MACROD2: variants seen among roughly 807,000 people sequenced by gnomAD.
MACROD2 encodes mono-ADP ribosylhydrolase 2, also known as ADP-ribose glycohydrolase MACROD2.
In MACROD2, 36 loss-of-function variants were observed where a neutral mutation model predicts 70.4. The observed-to-expected ratio is 0.51, with a 90% CI of 0.39 to 0.68. The LOEUF (loss-of-function observed/expected upper bound fraction) is 0.68, where lower values mean the gene tolerates loss of function less well. MACROD2 is among the 30% of genes least tolerant of loss of function. The pLI is 0.00. For synonymous variants in MACROD2, 172 were observed against 178.8 expected (o/e 0.96, Z 0.30); for missense variants, 496 against 538.4 (o/e 0.92, Z 0.78).
At chr20:15,542,895 C>T (rs2047976608) in intron 8 of MACROD2, among the ~76,000 whole-genome samples, 1 of 152,156 alleles carries the variant, frequency 6.6e-6, no homozygotes, top group Admixed American at 6.6e-5. Context: ...TCCTACGCAG[C>T]ACAACTTGTC....
intron 9 of MACROD2, among the ~76,000 whole-genome samples, chr20:15,867,634 C>T (rs917928658): frequency 3.3e-5 from 5 of 151,438 alleles, no homozygotes; most frequent in East Asian, 1.9e-4. Context: ...TTTCACTAGA[C>T]GTAAAAAATT....
chr20:15,922,661 C>T (rs1601139485), intron 10 of MACROD2, among the ~76,000 whole-genome samples: 1 of 152,208 alleles, frequency 6.6e-6, no homozygotes. Context: ...TCACTGACTG[C>T]CTCCAGGACT....
intron 5 of MACROD2, among the ~76,000 whole-genome samples, chr20:14,735,390 G>A (rs2071651189): frequency 6.6e-6 from 1 of 152,108 alleles, no homozygotes; most frequent in African/African-American, 2.4e-5. Flanking sequence ...ACATGAACAG[G>A]CGTCCACACT....
At chr20:15,817,548 C>G (rs1345424117) in intron 8 of MACROD2, among the ~76,000 whole-genome samples, 3 of 152,160 alleles carry the variant, frequency 2.0e-5, no homozygotes, top group Non-Finnish European at 4.4e-5. Flanking sequence ...GAAATCCAAG[C>G]CTCATTTCTG....
chr20:14,522,495 G>GTTAC lies in MACROD2; in HGVS notation c.301+28987_301+28988insTTAC, dbSNP rs570188346. ...AGCCATGTATACAGAAACTATCTTGGGTAAGGTGCCTCTACTCTGTCGGGC... is the reference window on the plus strand; with the variant it reads ...AGCCATGTATACAGAAACTATCTTGGTTACGTAAGGTGCCTCTACTCTGTCGGGC... On this transcript the variant is annotated intron_variant, in intron 4 of 17. Coordinates refer to ENST00000684519, the MANE Select transcript of MACROD2 (RefSeq NM_001351661.2). 4.0e-3 allele frequency among the ~76,000 whole-genome samples: 608 copies of GTTAC among 152,298 alleles called. 1 individual carries two copies. Among genetic ancestry groups the GTTAC allele is most frequent in the Non-Finnish European group, 5.5e-3 (374 of 68,022 alleles).
At position 15,113,763 on chromosome 20, in the gene MACROD2, A is replaced by AGTGTGTGTGTGTGTGTGTGTGTGT. The variant is rs71340210; in HGVS notation, c.419-116163_419-116140dup. 6.9e-5 allele frequency among the ~76,000 whole-genome samples: 10 copies of AGTGTGTGTGTGTGTGTGTGTGTGT among 144,238 alleles called. No individual in the cohort carries two copies. In the South Asian group the frequency reaches 7.2e-4, roughly 10 times the overall value. 94.6% of individuals were successfully genotyped at this position (144,238 alleles called of 152,430 possible). On this transcript the variant is annotated intron_variant, in intron 5 of 17. Transcript: ENST00000684519. Reference sequence around the variant, plus strand: ...TAGGTATGGGGTTGTGTAGTCTTGAAGTGTGTGTGTGTGTGTGTGTGTGTG... The same window carrying AGTGTGTGTGTGTGTGTGTGTGTGT: ...TAGGTATGGGGTTGTGTAGTCTTGAAGTGTGTGTGTGTGTGTGTGTGTGTGTGTGTGTGTGTGTGTGTGTGTGTG...
At chr20:15,254,124 G>A (rs1055880952) in intron 6 of MACROD2, among the ~76,000 whole-genome samples, 2 of 152,120 alleles carry the variant, frequency 1.3e-5, no homozygotes, top group African/African-American at 4.8e-5. Flanking sequence ...TGCAGGAAAC[G>A]AGTTTATTAG....
chr20:14,856,073 G>A (rs1366397582), intron 5 of MACROD2, among the ~76,000 whole-genome samples: 1 of 152,026 alleles, frequency 6.6e-6, no homozygotes, highest in Non-Finnish European at 1.5e-5. Context: ...TATATTACAT[G>A]AAACATACTT....
intron 5 of MACROD2, among the ~76,000 whole-genome samples, chr20:14,914,724 C>A (rs1044632299): frequency 2.0e-5 from 3 of 152,158 alleles, no homozygotes; most frequent in African/African-American, 7.2e-5. Context: ...ATCTATATAT[C>A]TGAGTTTTAA....
At chr20:14,921,858 A>G (rs1275037466) in intron 5 of MACROD2, among the ~76,000 whole-genome samples, 1 of 152,192 alleles carries the variant, frequency 6.6e-6, no homozygotes, top group African/African-American at 2.4e-5. Context: ...GTGCACTACA[A>G]ATTGGATTTC....
At chr20:14,098,264 C>T (rs373073406) in intron 3 of MACROD2, among the ~76,000 whole-genome samples, 1 of 152,300 alleles carries the variant, frequency 6.6e-6, no homozygotes, top group Non-Finnish European at 1.5e-5. Context: ...ATTCTGTGTC[C>T]TTCAGCTTTA....
chr20:14,035,999 A>G (rs906560189), intron 2 of MACROD2, among the ~76,000 whole-genome samples: 4 of 152,022 alleles, frequency 2.6e-5, no homozygotes, highest in Non-Finnish European at 5.9e-5. Flanking sequence ...AAAATTAGCC[A>G]GGCGTGGTGG....
At chr20:15,603,282 T>C (rs1445887128) in intron 8 of MACROD2, among the ~76,000 whole-genome samples, 1 of 151,880 alleles carries the variant, frequency 6.6e-6, no homozygotes, top group East Asian at 1.9e-4. Flanking sequence ...GTGGATCCTT[T>C]GAGGTCAGGA....
At chr20:15,636,134 A>G (rs1232429110) in intron 8 of MACROD2, among the ~76,000 whole-genome samples, 1 of 151,354 alleles carries the variant, frequency 6.6e-6, no homozygotes, top group African/African-American at 2.4e-5. Flanking sequence ...AAGAGGAAAA[A>G]AAAAAGAAAT....
At chr20:15,516,339 CA>C (rs2047567457) in intron 8 of MACROD2, among the ~76,000 whole-genome samples, 1 of 152,110 alleles carries the variant, frequency 6.6e-6, no homozygotes, top group African/African-American at 2.4e-5. Context: ...GTAATTCTTT[CA>C]AAAGCCTCTC....
In MACROD2 at chr20:14,848,949, C is replaced by T. The variant is rs1234390313; in HGVS notation, c.418+163990C>T. On this transcript the variant is annotated intron_variant, in intron 5 of 17. Coordinates refer to ENST00000684519, the MANE Select transcript of MACROD2 (RefSeq NM_001351661.2). ...ACATCCTCCGGCAGACATCACTTAT[C>T]GGTCGTGGCATTTTTCTCACAGGAA... 3.3e-5 allele frequency among the ~76,000 whole-genome samples: 5 copies of T among 152,048 alleles called. No homozygotes were observed. In the East Asian group the frequency reaches 7.7e-4, roughly 24 times the overall value.
At chr20:15,237,623 G>A (rs760879897) in intron 6 of MACROD2, among the ~76,000 whole-genome samples, 3 of 152,056 alleles carry the variant, frequency 2.0e-5, no homozygotes, top group African/African-American at 7.2e-5. Context: ...AGGGAACAGC[G>A]CAGAGGAGTG....
chr20:15,380,029 C>T (rs2045619872), intron 6 of MACROD2, among the ~76,000 whole-genome samples: 1 of 151,970 alleles, frequency 6.6e-6, no homozygotes, highest in African/African-American at 2.4e-5. Context: ...CCTGTTGTTC[C>T]CTTTTCCTGA....
At chr20:14,156,085 C>T (rs2094052182) in intron 3 of MACROD2, among the ~76,000 whole-genome samples, 1 of 152,054 alleles carries the variant, frequency 6.6e-6, no homozygotes, top group Non-Finnish European at 1.5e-5. Context: ...TTGCTTCAGC[C>T]TGGAAAGCTG....
Sources: gnomAD v4.1 joint callset for allele counts (sites outside exome capture counted in the v4.1 genomes callset) on GRCh38, gnomAD v4.1.1 for gene constraint, MANE v1.5 for transcripts, NCBI Gene and HGNC (gene_info 2026-07-23, HGNC 2026-07-21) for gene names.